IGF2BP2: variants seen among roughly 807,000 people sequenced by gnomAD.
IGF2BP2 encodes insulin like growth factor 2 mRNA binding protein 2, also known as insulin-like growth factor 2 mRNA-binding protein 2.
In IGF2BP2, 17 loss-of-function variants were observed where a neutral mutation model predicts 75.8. The observed-to-expected ratio is 0.22, with a 90% CI of 0.15 to 0.34. The LOEUF is 0.34. Ranked by LOEUF, IGF2BP2 falls within the 10% of genes least tolerant of loss-of-function variation. The pLI, the probability that IGF2BP2 is intolerant of heterozygous loss-of-function variation, is 1.00. For missense variants in IGF2BP2, 516 were observed against 772.4 expected (o/e 0.67, Z 3.93); for synonymous variants, 288 against 295.6 (o/e 0.97, Z 0.26).
intron 2 of IGF2BP2, among the ~76,000 whole-genome samples, chr3:185,715,670 T>C (rs1220403340): frequency 6.6e-6 from 1 of 151,328 alleles, no homozygotes; most frequent in Non-Finnish European, 1.5e-5. Context: ...TGAGATGGAG[T>C]TTCATTCTTG....
intron 4 of IGF2BP2, 41 bp from the exon 5 acceptor site, chr3:185,692,803 G>C (rs1265023015): frequency 1.9e-6 from 3 of 1,583,444 alleles, no homozygotes; most frequent in Non-Finnish European, 2.6e-6. Flanking sequence ...AGGAAAAAGT[G>C]CTGTCACCCT....
intron 2 of IGF2BP2, among the ~76,000 whole-genome samples, chr3:185,711,933 A>G (rs1005660077): frequency 3.9e-5 from 6 of 152,150 alleles, no homozygotes; most frequent in African/African-American, 1.4e-4. Context: ...TACTCCACAA[A>G]CTGCAAACTC....
At chr3:185,795,059 G>A (rs1338239722) in intron 2 of IGF2BP2, among the ~76,000 whole-genome samples, 2 of 151,832 alleles carry the variant, frequency 1.3e-5, no homozygotes, top group Non-Finnish European at 2.9e-5. Flanking sequence ...CACCTCGCCC[G>A]GCTACTTTTT....
chr3:185,696,607 A>C lies in IGF2BP2; in HGVS notation c.340+5T>G, dbSNP rs776037897. On this transcript the variant is annotated splice_donor_5th_base_variant and intron_variant, in intron 4 of 15. Transcript: ENST00000382199. Reference sequence around the variant, plus strand: ...CAAAACCCAAAAGGCTTCCTCACTTATTACCTTGTTCCACATTCTCCACTG... The same window carrying C: ...CAAAACCCAAAAGGCTTCCTCACTTCTTACCTTGTTCCACATTCTCCACTG... 3.1e-6 allele frequency: 5 copies of C among 1,613,354 alleles called. No individual in the cohort carries two copies. Among genetic ancestry groups the C allele is most frequent in the Non-Finnish European group, 4.2e-6 (5 of 1,179,432 alleles).
At chr3:185,669,670 GAC>G (rs1179804929) in intron 10 of IGF2BP2, among the ~76,000 whole-genome samples, 1 of 152,008 alleles carries the variant, frequency 6.6e-6, no homozygotes, top group Admixed American at 6.6e-5. Flanking sequence ...TATAAGGAGG[GAC>G]ACAGACTCCC....
At chr3:185,697,918 C>G (rs547316347) in intron 3 of IGF2BP2, among the ~76,000 whole-genome samples, 4 of 151,994 alleles carry the variant, frequency 2.6e-5, no homozygotes, top group South Asian at 4.2e-4. Context: ...TCCCTGGACC[C>G]GGCTGCAGTG....
chr3:185,682,851 A>C (rs1720586815), intron 7 of IGF2BP2, among the ~76,000 whole-genome samples: 1 of 152,198 alleles, frequency 6.6e-6, no homozygotes, highest in South Asian at 2.1e-4. Flanking sequence ...TGGGGTTGGA[A>C]AATGGAGCAA....
intron 2 of IGF2BP2, among the ~76,000 whole-genome samples, chr3:185,792,856 C>T (rs914515850): frequency 2.0e-5 from 3 of 151,914 alleles, no homozygotes; most frequent in Non-Finnish European, 1.5e-5. Flanking sequence ...GAGAGACCTG[C>T]GAAGAACTAG....
intron 2 of IGF2BP2, among the ~76,000 whole-genome samples, chr3:185,796,355 G>A (rs1221219402): frequency 2.0e-5 from 3 of 151,970 alleles, no homozygotes; most frequent in Non-Finnish European, 4.4e-5. Flanking sequence ...TTGAGGTCAG[G>A]AGTTTGAGAC....
intron 2 of IGF2BP2, among the ~76,000 whole-genome samples, chr3:185,754,347 G>A (rs910553450): frequency 9.2e-5 from 14 of 152,166 alleles, no homozygotes; most frequent in Middle Eastern, 3.4e-3. Context: ...CCAAGCAGAA[G>A]CAAGCACCAC....
At chr3:185,664,002 G>A (rs917219186) in intron 10 of IGF2BP2, among the ~76,000 whole-genome samples, 5 of 152,344 alleles carry the variant, frequency 3.3e-5, no homozygotes, top group Admixed American at 3.3e-4. Flanking sequence ...TGCTCCCTCT[G>A]GGCACCAGGG....
intron 2 of IGF2BP2, among the ~76,000 whole-genome samples, chr3:185,787,145 G>A (rs550969814): frequency 9.9e-5 from 15 of 152,250 alleles, no homozygotes; most frequent in Middle Eastern, 3.4e-3. Flanking sequence ...GGGCAATGGC[G>A]AGTTACTGTT....
intron 10 of IGF2BP2, among the ~76,000 whole-genome samples, chr3:185,660,652 A>G (rs1194475967): frequency 1.3e-5 from 2 of 152,196 alleles, no homozygotes; most frequent in African/African-American, 4.8e-5. Context: ...GGCAAGCTCA[A>G]GTTTTGCAGG....
intron 2 of IGF2BP2, among the ~76,000 whole-genome samples, chr3:185,700,589 C>G (rs1051809374): frequency 6.6e-6 from 1 of 152,132 alleles, no homozygotes; most frequent in African/African-American, 2.4e-5. Flanking sequence ...CCAAGCCTAA[C>G]AGTCTGTAGA....
intron 2 of IGF2BP2, among the ~76,000 whole-genome samples, chr3:185,747,829 T>TTCTACTCTACTCTACTTTAC (rs1730451915): frequency 6.6e-6 from 1 of 150,528 alleles, no homozygotes; most frequent in Non-Finnish European, 1.5e-5. Flanking sequence ...TTTTATTTTA[T>TTCTACTCTACTCTACTTTAC]TCTACTCTAC....
At chr3:185,677,066 T>TAGAG (rs1185215668) in intron 7 of IGF2BP2, among the ~76,000 whole-genome samples, 1 of 38,414 alleles carries the variant, frequency 2.6e-5, no homozygotes, top group Non-Finnish European at 4.9e-5. Flanking sequence ...TATATATATA[T>TAGAG]ATAGAGAGAG....
chr3:185,778,126 T>C (rs1041005751), intron 2 of IGF2BP2, among the ~76,000 whole-genome samples: 1 of 152,140 alleles, frequency 6.6e-6, no homozygotes, highest in African/African-American at 2.4e-5. Context: ...GTAATTTATA[T>C]TCATTCATTC....
chr3:185,668,985 C>T (rs1195191617), intron 10 of IGF2BP2, among the ~76,000 whole-genome samples: 1 of 152,012 alleles, frequency 6.6e-6, no homozygotes, highest in Non-Finnish European at 1.5e-5. Context: ...TAAGCTATAA[C>T]TGAGGGGCCA....
At chr3:185,682,146 C>T (rs980827553) in intron 7 of IGF2BP2, among the ~76,000 whole-genome samples, 1 of 152,146 alleles carries the variant, frequency 6.6e-6, no homozygotes, top group Admixed American at 6.5e-5. Context: ...GAGAAATATT[C>T]ACCAATTATT....
Sources: gnomAD v4.1 joint callset for allele counts (sites outside exome capture counted in the v4.1 genomes callset) on GRCh38, gnomAD v4.1.1 for gene constraint, MANE v1.5 for transcripts, NCBI Gene and HGNC (gene_info 2026-07-23, HGNC 2026-07-21) for gene names.